TEX9: variants seen among roughly 807,000 people sequenced by gnomAD.
The protein encoded by TEX9 is testis expressed 9.
A neutral mutation model predicts 59.6 loss-of-function variants in TEX9; 74 were observed. The ratio of observed to expected loss-of-function variants is 1.24; its 90% CI spans 1.03 to 1.51. The LOEUF (loss-of-function observed/expected upper bound fraction) is 1.51, where lower values mean the gene tolerates loss of function less well. TEX9 is among the 40% of genes most tolerant of loss of function. The pLI is 0.00. For missense variants in TEX9, 522 were observed against 447.8 expected (o/e 1.17, Z -1.49); for synonymous variants, 186 against 152.2 (o/e 1.22, Z -1.64).
intron 1 of TEX9, among the ~76,000 whole-genome samples, chr15:56,359,046 C>T (rs1426735464): frequency 6.6e-6 from 1 of 152,100 alleles, no homozygotes; most frequent in Admixed American, 6.6e-5. Context: ...AGTGTGAGAA[C>T]AGACTAATAT....
chr15:56,267,829 A>G (rs2044424595), intron 1 of TEX9, among the ~76,000 whole-genome samples: 1 of 152,198 alleles, frequency 6.6e-6, no homozygotes. Flanking sequence ...TTGGTTCCAT[A>G]TGAACTTTAA....
chr15:56,336,731 G>A (rs1227867727), intron 1 of TEX9, among the ~76,000 whole-genome samples: 5 of 152,162 alleles, frequency 3.3e-5, no homozygotes, highest in Non-Finnish European at 7.4e-5. Context: ...ACAGCCTCAG[G>A]TGATACTACA....
chr15:56,394,538 TA>T (rs2048362211), intron 8 of TEX9, 122 bp from the exon 9 acceptor site: 1 of 761,266 alleles, frequency 1.3e-6, no homozygotes. Context: ...AAAAATAGAC[TA>T]ATTTGTTTTT....
chr15:56,248,176 A>G (rs2043909172), intron 1 of TEX9, among the ~76,000 whole-genome samples: 3 of 152,214 alleles, frequency 2.0e-5, no homozygotes, highest in Non-Finnish European at 4.4e-5. Flanking sequence ...GAAGAGGAGA[A>G]AAATAAAAGC....
intron 10 of TEX9, among the ~76,000 whole-genome samples, chr15:56,414,996 T>C (rs990681833): frequency 4.0e-5 from 6 of 151,138 alleles, no homozygotes; most frequent in African/African-American, 7.3e-5. Flanking sequence ...ATCAGTGATA[T>C]TGAGCTTTTT....
intron 9 of TEX9, chr15:56,409,774 G>C (rs1302906589): frequency 1.3e-5 from 2 of 152,270 alleles, no homozygotes; most frequent in Non-Finnish European, 2.9e-5. Context: ...TAGGACTACA[G>C]GCGTGAGCCA....
chr15:56,394,514 C>A, intron 8 of TEX9, 147 bp from the exon 9 acceptor site: 1 of 686,614 alleles, frequency 1.5e-6, no homozygotes, highest in Non-Finnish European at 2.4e-6. Context: ...CATTTGACTT[C>A]CATTTTTGAA....
rs142167770 is a variant in TEX9 at position 56,426,638 on chromosome 15, A to AAC, written c.964-952_964-951dup. ...ATATATATATATATACACACACACA[A>AAC]ACACACACACACACACGTATGTATA... On this transcript the variant is annotated intron_variant, in intron 10 of 12. Coordinates refer to ENST00000352903, the Ensembl canonical transcript of TEX9. Among the ~76,000 whole-genome samples, 29 of 78,204 alleles carry AAC rather than the reference A, an allele frequency of 3.7e-4. 1 individual carries two copies. Among genetic ancestry groups the AAC allele is most frequent in the African/African-American group, 1.1e-3 (28 of 24,380 alleles). The allele number at this position is 78,204 out of a possible 152,430, so 51.3% of individuals were successfully genotyped here. A position where few individuals can be genotyped will look rare whatever the true frequency, so the allele number is the denominator to read the frequency against.
chr15:56,273,276 C>A (rs2414474), intron 1 of TEX9, among the ~76,000 whole-genome samples: 4 of 152,072 alleles, frequency 2.6e-5, no homozygotes, highest in African/African-American at 9.7e-5. Context: ...TCAATATTAT[C>A]TCTACTATTG....
intron 12 of TEX9, chr15:56,443,621 A>G (rs750512600): frequency 6.2e-7 from 1 of 1,605,868 alleles, no homozygotes; most frequent in Admixed American, 1.7e-5. Context: ...GTGTTAAAGA[A>G]GTGGTTATTT....
intron 6 of TEX9, among the ~76,000 whole-genome samples, chr15:56,389,884 TTAG>T (rs2048126920): frequency 6.6e-6 from 1 of 151,966 alleles, no homozygotes; most frequent in Admixed American, 6.6e-5. Flanking sequence ...AAGACGGTTC[TTAG>T]TATTATAAGC....
intron 1 of TEX9, among the ~76,000 whole-genome samples, chr15:56,316,773 C>G (rs1401189641): frequency 6.6e-6 from 1 of 152,230 alleles, no homozygotes; most frequent in Non-Finnish European, 1.5e-5. Flanking sequence ...GCAGTTTGAT[C>G]TCAGACTGCT....
intron 1 of TEX9, among the ~76,000 whole-genome samples, chr15:56,345,616 T>C (rs2046456676): frequency 1.3e-5 from 2 of 152,226 alleles, no homozygotes; most frequent in South Asian, 4.1e-4. Context: ...AAGGGGGAAG[T>C]GTCAGCCAAG....
intron 1 of TEX9, among the ~76,000 whole-genome samples, chr15:56,266,736 T>C (rs1358805277): frequency 6.6e-6 from 1 of 152,210 alleles, no homozygotes; most frequent in Non-Finnish European, 1.5e-5. Context: ...TTGATGGACA[T>C]TTGGGTTGGT....
intron 9 of TEX9, 78 bp from the exon 10 acceptor site, chr15:56,412,224 A>T: frequency 1.5e-6 from 2 of 1,360,852 alleles, no homozygotes; most frequent in Non-Finnish European, 2.0e-6. Flanking sequence ...GAATATGGAT[A>T]TGGAAGATAC....
chr15:56,382,879 GT>G (rs2047794656), intron 3 of TEX9, among the ~76,000 whole-genome samples: 1 of 152,206 alleles, frequency 6.6e-6, no homozygotes, highest in African/African-American at 2.4e-5. Flanking sequence ...CCTGGTTGGT[GT>G]TTTCCTAGGT....
chr15:56,329,734 T>C (rs1460483849), intron 1 of TEX9, among the ~76,000 whole-genome samples: 1 of 151,860 alleles, frequency 6.6e-6, no homozygotes, highest in Non-Finnish European at 1.5e-5. Flanking sequence ...TATTTGAAAA[T>C]ACACAGTTAG....
At chr15:56,412,705 A>T (rs2049421454) in intron 10 of TEX9, among the ~76,000 whole-genome samples, 1 of 152,174 alleles carries the variant, frequency 6.6e-6, no homozygotes, top group South Asian at 2.1e-4. Flanking sequence ...TATGTCAGAC[A>T]CTTTTCTAAG....
intron 1 of TEX9, among the ~76,000 whole-genome samples, chr15:56,311,201 G>C (rs1175722807): frequency 1.3e-4 from 19 of 142,814 alleles, no homozygotes; most frequent in African/African-American, 5.0e-4. Flanking sequence ...GTGCAGGTTA[G>C]TTACATATGT....
Sources: allele counts gnomAD v4.1 joint callset (sites outside exome capture counted in the v4.1 genomes callset), GRCh38; gene constraint gnomAD v4.1.1; transcripts MANE v1.5; gene names NCBI Gene and HGNC (gene_info 2026-07-23, HGNC 2026-07-21).